SBSN: variants seen among roughly 807,000 people sequenced by gnomAD.
SBSN encodes suprabasin.
A neutral mutation model predicts 42.8 loss-of-function variants in SBSN; 33 were observed. That is an observed-to-expected ratio of 0.77 (90% CI 0.58 to 1.03). The LOEUF is 1.03. Among genes scored for constraint, SBSN ranks in the 50% least tolerant of loss-of-function variants. The pLI is 0.00. For missense variants in SBSN, 646 were observed against 757.3 expected (o/e 0.85, Z 1.72); for synonymous variants, 276 against 307.0 (o/e 0.90, Z 1.06).
At chr19:35,525,451 G>A (rs1165039323) in intron 1 of SBSN, among the ~76,000 whole-genome samples, 2 of 151,886 alleles carry the variant, frequency 1.3e-5, no homozygotes, top group East Asian at 1.9e-4. Flanking sequence ...CTGCTGCGCC[G>A]TTCCTCCCCA....
At chr19:35,523,604 C>A in intron 3 of SBSN, 71 bp from the exon 4 acceptor site, 2 of 1,505,964 alleles carry the variant, frequency 1.3e-6, no homozygotes, top group Non-Finnish European at 9.2e-7. Context: ...ACCTCAGCCC[C>A]GCCCCTCGGG....
Position 35,528,063 on chromosome 19 carries a change from G to A in SBSN, c.219C>T (p.Ser73=). Residue 73 remains serine, a synonymous_variant, in exon 1 of 4, where the codon AGC becomes AGT. Transcript: ENST00000452271. ...REVEKVFNGL[S]NMGSHTGKEL... ...CCTTGCCGGTGTGGCTCCCCATGTTGCTAAGTCCGTTGAAAACCTTCTCCA... is the reference window on the plus strand; with the variant it reads ...CCTTGCCGGTGTGGCTCCCCATGTTACTAAGTCCGTTGAAAACCTTCTCCA... The A allele has an allele frequency of 6.2e-7, 1 of 1,613,926 alleles. No individual in the cohort carries two copies. Among genetic ancestry groups the A allele is most frequent in the Non-Finnish European group, 8.5e-7 (1 of 1,180,030 alleles).
At position 35,524,770 on chromosome 19, in the gene SBSN, C is replaced by T; in HGVS notation, c.1705-15G>A. ...TTGACCGAGGCCTGCAATTCAAGGA[C>T]AAGAAGGTCAGTCTCCAGCGTCTGA... is the stretch of plus-strand genomic sequence containing the variant. On this transcript the variant is annotated splice_polypyrimidine_tract_variant and intron_variant, in intron 2 of 3. Transcript: ENST00000452271. The T allele has an allele frequency of 1.2e-6, 2 of 1,614,026 alleles. No individual in the cohort carries two copies. The highest frequency in any genetic ancestry group is 1.7e-6 in the Non-Finnish European group (2 of 1,179,958).
chr19:35,524,614 C>A, intron 3 of SBSN, 97 bp downstream of exon 3: 1 of 1,355,400 alleles, frequency 7.4e-7, no homozygotes, highest in Non-Finnish European at 1.0e-6. Context: ...GCAGGTCTGC[C>A]CGCCCGGGGA....
chr19:35,526,891 T>C lies in SBSN; in HGVS notation c.1391A>G (p.His464Arg), dbSNP rs74894475. 774 of 1,612,982 alleles carry C rather than the reference T, an allele frequency of 4.8e-4. 1 individual carries two copies. In the African/African-American group the frequency reaches 9.3e-3, roughly 19 times the overall value. ...EAGQFGQGVH[H>R]TLEQAGKEAD... ...TTCCTTCCCGGCCTGTTCAAGGGTA[T>C]GGTGAACTCCCTGGCCAAACTGCCC... Residue 464 changes from histidine to arginine, a missense_variant, in exon 1 of 4, where the codon CAT (histidine) becomes CGT (arginine). His to Arg is a conservative substitution (Grantham distance 29, BLOSUM62 0). This residue lies in a region of SBSN where 236 missense variants were observed against 225.6 expected (regional missense o/e 1.05). Transcript: ENST00000452271.
chr19:35,526,633 T>A lies in SBSN; in HGVS notation c.1638+11A>T. 4.1e-6 allele frequency: 2 copies of A among 490,572 alleles called. No individual in the cohort carries two copies. The highest frequency in any genetic ancestry group is 3.1e-6 in the Non-Finnish European group (1 of 319,154). The allele number at this position is 490,572 out of a possible 1,614,324, so 30.4% of individuals were successfully genotyped here. ...CCCCTGTCCCCCATCTCCCCATCCC[T>A]GTTCACCTACATTCAGCAGCTGGTT... On this transcript the variant is annotated intron_variant, in intron 1 of 3. Transcript: ENST00000452271.
In SBSN at chr19:35,524,590, T is replaced by G. The variant is rs1057325805; in HGVS notation, c.1749+121A>C. On this transcript the variant is annotated intron_variant, in intron 3 of 3. Coordinates refer to ENST00000452271, the MANE Select transcript of SBSN (RefSeq NM_001166034.2). ...CAGGACTGGGTATCAGGTTGGAGGG[T>G]CTTTGCAGAGGCTGCAGGTCTGCCC... 10 of 964,856 alleles carry G rather than the reference T, an allele frequency of 1.0e-5. No individual in the cohort carries two copies. In the African/African-American group the frequency reaches 1.6e-4, roughly 16 times the overall value. The allele number at this position is 964,856 out of a possible 1,614,324, so 59.8% of individuals were successfully genotyped here. A position where few individuals can be genotyped will look rare whatever the true frequency, so the allele number is the denominator to read the frequency against.
At chr19:35,523,939 G>C (rs1475407634) in intron 3 of SBSN, among the ~76,000 whole-genome samples, 2 of 152,232 alleles carry the variant, frequency 1.3e-5, no homozygotes, top group Admixed American at 1.3e-4. Context: ...CACTTTGGGA[G>C]GCTGAGGAAG....
Position 35,527,108 on chromosome 19 carries a change from G to T in SBSN, c.1174C>A (p.His392Asn). Residue 392 changes from histidine to asparagine, a missense_variant, in exon 1 of 4, where the codon CAT becomes AAT. By Grantham distance (68) the His-to-Asn change is moderately conservative (BLOSUM62 1). Coordinates refer to ENST00000452271, the MANE Select transcript of SBSN (RefSeq NM_001166034.2). ...TCCTTCCCCACCTGCGAGGCAGCAT[G>T]GTGGACACCCTGGCCAAACTTCTCT... ...EAEKFGQGVHHAASQVGKEED... is the reference protein window; with the variant it reads ...EAEKFGQGVHNAASQVGKEED... 6.5e-7 allele frequency: 1 copy of T among 1,537,366 alleles called. No homozygotes were observed. Among genetic ancestry groups the T allele is most frequent in the South Asian group, 1.2e-5 (1 of 84,008 alleles).
intron 1 of SBSN, among the ~76,000 whole-genome samples, chr19:35,525,708 A>G (rs184338055): frequency 6.6e-6 from 1 of 152,028 alleles, no homozygotes; most frequent in Non-Finnish European, 1.5e-5. Context: ...TTTGAGACAG[A>G]GTCTCACTCT....
At chr19:35,524,587 G>C (rs1361933813) in intron 3 of SBSN, 124 bp downstream of exon 3, 1 of 907,864 alleles carries the variant, frequency 1.1e-6, no homozygotes, top group African/African-American at 1.6e-5. Context: ...TCAGGTTGGA[G>C]GGTCTTTGCA....
chr19:35,523,994 T>G (rs2071340768), intron 3 of SBSN, among the ~76,000 whole-genome samples: 1 of 152,024 alleles, frequency 6.6e-6, no homozygotes, highest in South Asian at 2.1e-4. Context: ...GCCTGGCCAA[T>G]ATGGTGAAAC....
chr19:35,526,942 C>G lies in SBSN; in HGVS notation c.1340G>C (p.Gly447Ala). 6.3e-7 allele frequency: 1 copy of G among 1,583,168 alleles called. No individual in the cohort carries two copies. The highest frequency in any genetic ancestry group is 8.6e-7 in the Non-Finnish European group (1 of 1,164,688). The stretch of plus-strand genomic sequence containing the variant: ...TGCCTCCTTCCCGGCCTCGTGGACC[C>G]CAGGTTGGACACCATGAACTGCTAT... Reference protein sequence around the residue: ...GDIAVHGVQPGVHEAGKEAGQ... With the variant: ...GDIAVHGVQPAVHEAGKEAGQ... The change falls in exon 1 of 4, where the codon GGG becomes GCG. Residue 447 changes from glycine (G) to alanine (A), a missense_variant. Physicochemically the swap from Gly to Ala is moderately conservative, Grantham distance 60. Coordinates refer to ENST00000452271, the MANE Select transcript of SBSN (RefSeq NM_001166034.2).
In SBSN at chr19:35,523,528, G is replaced by A. The variant is rs770850638; in HGVS notation, c.1755C>T (p.Val585=). 35 of 1,614,016 alleles carry A rather than the reference G, an allele frequency of 2.2e-5. No homozygotes were observed. The highest frequency in any genetic ancestry group is 5.5e-5 in the South Asian group (5 of 91,088). The change falls in exon 4 of 4, where the codon GTC becomes GTT. Residue 585 remains valine, a synonymous_variant. Transcript: ENST00000452271. ...TGCCAGTTTAGGGCATGATGTTGGCGACGCTCTGGAAGAGAGAAGGAGAGC... is the reference window on the plus strand; with the variant it reads ...TGCCAGTTTAGGGCATGATGTTGGCAACGCTCTGGAAGAGAGAAGGAGAGC... ...FINLPALWRS[V]ANIMP is the part of the protein sequence containing the mutation.
chr19:35,526,620 ATCT>A, intron 1 of SBSN, 21 bp downstream of exon 1: 1 of 203,740 alleles, frequency 4.9e-6, no homozygotes, highest in Non-Finnish European at 8.1e-6. Context: ...CCTGTCCCCC[ATCT>A]CCCCATCCCT....
In SBSN at chr19:35,523,444, C is replaced by A. The variant is rs1044475499; in HGVS notation, c.*66G>T. ...AGAAACCTGTCCCCCACCCCCAACC[C>A]CTCCAGGTCATGTCAGCTGATGTGA... On this transcript the variant is annotated 3_prime_UTR_variant, in exon 4 of 4. Transcript: ENST00000452271. The A allele has an allele frequency of 2.6e-6, 4 of 1,545,248 alleles. No homozygotes were observed. In the African/African-American group the frequency reaches 4.1e-5, roughly 16 times the overall value.
In SBSN at chr19:35,528,293, G is replaced by A. The variant is rs1443464766; in HGVS notation, c.-12C>T. On this transcript the variant is annotated 5_prime_UTR_variant, in exon 1 of 4. Transcript: ENST00000452271. Reference sequence around the variant, plus strand: ...CGTGCAAGATGCATATTGCTGGGAAGGTCGGGAAGGATGCAGAGAGGAGCC... The same window carrying A: ...CGTGCAAGATGCATATTGCTGGGAAAGTCGGGAAGGATGCAGAGAGGAGCC... 6.3e-7 allele frequency: 1 copy of A among 1,591,602 alleles called. No individual in the cohort carries two copies. Among genetic ancestry groups the A allele is most frequent in the Non-Finnish European group, 8.5e-7 (1 of 1,170,518 alleles).
At position 35,524,718 on chromosome 19, in the gene SBSN, AG is replaced by A. The variant is rs1568671328; in HGVS notation, c.1741del (p.Leu581CysfsTer30). 6.2e-7 allele frequency: 1 copy of A among 1,614,034 alleles called. No homozygotes were observed. The highest frequency in any genetic ancestry group is 8.5e-7 in the Non-Finnish European group (1 of 1,179,962). The part of the protein sequence containing the change: ...VNTPFINLPA[L>X]WRSVANIMP The stretch of plus-strand genomic sequence containing the variant: ...ACACCATGGGGCACTCACCCTCCAC[AG>A]GGCGGGAAGGTTGATGAAAGGCGTG... On this transcript the variant is annotated frameshift_variant, in exon 3 of 4. Coordinates refer to ENST00000452271, the MANE Select transcript of SBSN (RefSeq NM_001166034.2). LOFTEE classifies it high-confidence loss of function.
At chr19:35,526,595 C>G in intron 1 of SBSN, 49 bp downstream of exon 1, 2 of 582,918 alleles carry the variant, frequency 3.4e-6, no homozygotes, top group Non-Finnish European at 5.7e-6. Flanking sequence ...TTTAACCTTT[C>G]CCTCCCCCAA....
Sources: gnomAD v4.1 joint callset for allele counts (sites outside exome capture counted in the v4.1 genomes callset) on GRCh38, gnomAD v4.1.1 for gene constraint, gnomAD v4.1.1 regional missense constraint, MANE v1.5 for transcripts, NCBI Gene and HGNC (gene_info 2026-07-23, HGNC 2026-07-21) for gene names.